TSHZ3: variants seen among roughly 807,000 people sequenced by gnomAD.
The protein encoded by TSHZ3 is teashirt zinc finger homeobox 3, also known as teashirt homolog 3.
In TSHZ3, 10 loss-of-function variants were observed where a neutral mutation model predicts 64.5. The ratio of observed to expected loss-of-function variants is 0.16; its 90% CI spans 0.10 to 0.26. The LOEUF is 0.26. Ranked by LOEUF, TSHZ3 falls within the 10% of genes least tolerant of loss-of-function variation. The pLI, the probability that TSHZ3 is intolerant of heterozygous loss-of-function variation, is 1.00. For synonymous variants in TSHZ3, 608 were observed against 593.1 expected, an observed-to-expected ratio of 1.03 and a Z score of -0.36; for missense variants, 1,242 against 1,421.7, an observed-to-expected ratio of 0.87 and a Z score of 2.03.
intron 4 of TSHZ3, among the ~76,000 whole-genome samples, chr19:31,220,189 T>G (rs1410471311): frequency 6.6e-6 from 1 of 152,204 alleles, no homozygotes; most frequent in Non-Finnish European, 1.5e-5. Flanking sequence ...GTTATTTTTG[T>G]CAAACTGATT....
rs116737080 is a variant in TSHZ3, at chr19:31,168,421, A to G, written n.810-12004T>C. 1.6e-3 allele frequency among the ~76,000 whole-genome samples: 247 copies of G among 152,326 alleles called. 2 individuals carry two copies. Among genetic ancestry groups the G allele is most frequent in the African/African-American group, 5.8e-3 (241 of 41,566 alleles). ...TGGGCCAAAAAGACTTAGTTCTAGC[A>G]TATGTGCTCAAAATGGCCAAGCTGC... On this transcript the variant is annotated intron_variant and non_coding_transcript_variant, in intron 5 of 6. Coordinates refer to the TSHZ3 transcript ENST00000651361.
chr19:31,307,301 C>CT (rs1328118606), intron 1 of TSHZ3, among the ~76,000 whole-genome samples: 3 of 151,540 alleles, frequency 2.0e-5, no homozygotes, highest in African/African-American at 4.9e-5. Flanking sequence ...TTTCCATCTG[C>CT]TTAGTGCTCC....
In TSHZ3 at chr19:31,254,457, G is replaced by A. The variant is rs375536630; in HGVS notation, n.64-11582C>T. Among the ~76,000 whole-genome samples the A allele has an allele frequency of 8.1e-4, 124 of 152,298 alleles. 2 individuals are homozygous for A. Among genetic ancestry groups the A allele is most frequent in the African/African-American group, 2.7e-3 (114 of 41,562 alleles). Reference sequence around the variant, plus strand: ...TGTGGGCCCTGGAGGAAAGGGGGCCGGTCAGCACCAATCCCCGGGGCTGAA... The same window carrying A: ...TGTGGGCCCTGGAGGAAAGGGGGCCAGTCAGCACCAATCCCCGGGGCTGAA... On this transcript the variant is annotated intron_variant and non_coding_transcript_variant, in intron 1 of 6. Coordinates refer to the TSHZ3 transcript ENST00000651361.
chr19:31,269,591 A>T (rs897193877), intron 1 of TSHZ3, among the ~76,000 whole-genome samples: 1 of 152,190 alleles, frequency 6.6e-6, no homozygotes, highest in Non-Finnish European at 1.5e-5. Context: ...TGCTCCAATT[A>T]AAACAGATTT....
At chr19:31,336,265 A>C (rs751520169) in intron 1 of TSHZ3, among the ~76,000 whole-genome samples, 7 of 152,212 alleles carry the variant, frequency 4.6e-5, no homozygotes, top group African/African-American at 7.2e-5. Flanking sequence ...AGCAAGAACG[A>C]ACTTCCTGAA....
At chr19:31,268,539 T>G (rs1320881612) in intron 1 of TSHZ3, among the ~76,000 whole-genome samples, 1 of 152,206 alleles carries the variant, frequency 6.6e-6, no homozygotes, top group African/African-American at 2.4e-5. Flanking sequence ...TCTTCCTGAT[T>G]GACACAGTGG....
At chr19:31,153,235 C>T (rs569778787) in intron 6 of TSHZ3, among the ~76,000 whole-genome samples, 101 of 152,138 alleles carry the variant, frequency 6.6e-4, no homozygotes, top group African/African-American at 2.2e-3. Context: ...GATTACTGTT[C>T]GTCAAAAAGA....
intron 5 of TSHZ3, among the ~76,000 whole-genome samples, chr19:31,173,196 G>A (rs577809336): frequency 2.4e-4 from 37 of 152,272 alleles, no homozygotes; most frequent in Admixed American, 8.5e-4. Flanking sequence ...TTGTGGATGC[G>A]AGAATATTCT....
At chr19:31,199,535 AAAAATAAAAT>A (rs926706529) in intron 5 of TSHZ3, among the ~76,000 whole-genome samples, 1 of 151,400 alleles carries the variant, frequency 6.6e-6, no homozygotes, top group Non-Finnish European at 1.5e-5. Context: ...CACATGACCA[AAAAATAAAAT>A]AAAATAAAAT....
intron 5 of TSHZ3, among the ~76,000 whole-genome samples, chr19:31,157,360 G>A (rs956361686): frequency 3.3e-5 from 5 of 152,164 alleles, no homozygotes; most frequent in African/African-American, 1.2e-4. Flanking sequence ...TCCTGTGTTT[G>A]TTAATAAAGT....
rs77341905 is a variant in TSHZ3, at chr19:31,212,076, T to G, written n.687-6998A>C. Among the ~76,000 whole-genome samples the G allele has an allele frequency of 3.8e-4, 57 of 151,638 alleles. 1 individual carries two copies. The East Asian group carries it at 0.01, about 28-fold the overall frequency. On this transcript the variant is annotated intron_variant and non_coding_transcript_variant, in intron 4 of 6. Coordinates refer to the TSHZ3 transcript ENST00000651361. The stretch of plus-strand genomic sequence containing the variant: ...TTTTTTTTTTTCTTTTTTGATACCA[T>G]AGGAAATTTTGAGATAAAACCGTGA...
chr19:31,193,120 A>T (rs1974936787), intron 5 of TSHZ3, among the ~76,000 whole-genome samples: 1 of 152,004 alleles, frequency 6.6e-6, no homozygotes, highest in Non-Finnish European at 1.5e-5. Flanking sequence ...AAGAGAAAGG[A>T]TCTTCTCTTG....
At chr19:31,343,211 T>C (rs1917486962) in intron 1 of TSHZ3, among the ~76,000 whole-genome samples, 1 of 152,206 alleles carries the variant, frequency 6.6e-6, no homozygotes, top group African/African-American at 2.4e-5. Flanking sequence ...ATAACATGTG[T>C]CCTGACAGTA....
chr19:31,277,755 C>T lies in TSHZ3; in HGVS notation c.2038G>A (p.Asp680Asn), dbSNP rs1733903052. The T allele has an allele frequency of 6.5e-7, 1 of 1,530,026 alleles. No individual in the cohort carries two copies. The highest frequency in any genetic ancestry group is 1.4e-5 in the African/African-American group (1 of 72,112). The allele number at this position is 1,530,026 out of a possible 1,614,324, so 94.8% of individuals were successfully genotyped here. Reference protein sequence around the residue: ...SPSPPRDGCKDGSPLAEPVEN... With the variant: ...SPSPPRDGCKNGSPLAEPVEN... ...ACCGGCTCAGCGAGGGGGCTCCCAT[C>T]CTTGCACCCATCCCGCGGGGGGCTG... The change falls in exon 2 of 2, where the codon GAT becomes AAT. Residue 680 changes from aspartate (D) to asparagine (N), a missense_variant. Asp to Asn is a conservative substitution (Grantham distance 23). Around this residue, in one of 4 missense-constraint regions of TSHZ3, gnomAD observed 550 missense variants for 545.1 expected, o/e 1.01. Transcript: ENST00000240587. This position sits in a 1 kb window ranked among gnomAD's most constrained non-coding sequence, Gnocchi z 4.5.
rs1916980811 is a variant in TSHZ3 at position 31,328,136 on chromosome 19, T to G, written c.40+21044A>C. On this transcript the variant is annotated intron_variant, in intron 1 of 1. Coordinates refer to ENST00000240587, the MANE Select transcript of TSHZ3 (RefSeq NM_020856.4). ...AATTAAGAAAAACGTTGCTACAAAC[T>G]CTGTCAGAAGAAATATAACTTTTGC... Among the ~76,000 whole-genome samples, 4 of 152,322 alleles carry G rather than the reference T, an allele frequency of 2.6e-5. No individual in the cohort carries two copies. The South Asian group carries it at 8.3e-4, about 32-fold the overall frequency.
chr19:31,349,807 C>A (rs1328996469), upstream of TSHZ3, among the ~76,000 whole-genome samples: 2 of 146,232 alleles, frequency 1.4e-5, no homozygotes, highest in African/African-American at 5.0e-5. Context: ...GTCCAGTCTT[C>A]TGCCCGTGGC....
chr19:31,179,847 G>GGTA (rs796628392), intron 5 of TSHZ3, among the ~76,000 whole-genome samples: 1 of 151,406 alleles, frequency 6.6e-6, no homozygotes, highest in Admixed American at 6.6e-5. Flanking sequence ...TGGTGGTGGT[G>GGTA]GTAGTAAAGA....
At chr19:31,347,238 AAAAT>A (rs377686321) in intron 1 of TSHZ3, among the ~76,000 whole-genome samples, 64 of 151,664 alleles carry the variant, frequency 4.2e-4, no homozygotes, top group East Asian at 2.9e-3. Flanking sequence ...GGTTGCTCTA[AAAAT>A]AAATAAATAA....
chr19:31,304,717 TGACAAAAAC>T lies in TSHZ3; in HGVS notation c.41-24974_41-24966del, dbSNP rs1318231307. 1.6e-3 allele frequency among the ~76,000 whole-genome samples: 244 copies of T among 152,304 alleles called. 1 individual carries two copies. The South Asian group carries it at 0.039, about 24-fold the overall frequency. ...AATATTGCTGCAGAGCAGTAGACTTTGACAAAAACTATAGCACAACTGTTTCTAAGGTAG... is the reference window on the plus strand; with the variant it reads ...AATATTGCTGCAGAGCAGTAGACTTTTATAGCACAACTGTTTCTAAGGTAG... On this transcript the variant is annotated intron_variant, in intron 1 of 1. Transcript: ENST00000240587.
Sources: allele counts gnomAD v4.1 joint callset (sites outside exome capture counted in the v4.1 genomes callset), GRCh38; gene constraint gnomAD v4.1.1; regional missense constraint gnomAD v4.1.1; non-coding constraint Gnocchi (gnomAD v3.1); transcripts MANE v1.5; gene names NCBI Gene and HGNC (gene_info 2026-07-23, HGNC 2026-07-21).